The following IQCJ variants were observed in gnomAD, a reference collection of about 807,000 sequenced individuals.
The protein encoded by IQCJ is IQ domain-containing protein J.
A neutral mutation model predicts 11.0 loss-of-function variants in IQCJ; 9 were observed. The ratio of observed to expected loss-of-function variants is 0.82; its 90% CI spans 0.49 to 1.43. IQCJ has a LOEUF of 1.43. IQCJ is among the 40% of genes most tolerant of loss of function. The pLI, the probability that IQCJ is intolerant of heterozygous loss-of-function variation, is 0.00. For missense variants in IQCJ, 146 were observed against 133.2 expected (o/e 1.10, Z -0.47); for synonymous variants, 55 against 51.3 (o/e 1.07, Z -0.31).
chr3:159,162,006 C>A (rs543788201), intron 1 of IQCJ, among the ~76,000 whole-genome samples: 1 of 152,080 alleles, frequency 6.6e-6, no homozygotes, highest in Non-Finnish European at 1.5e-5. Flanking sequence ...ATTGACTTGG[C>A]GACACGGGCT....
intron 1 of IQCJ, among the ~76,000 whole-genome samples, chr3:159,171,719 C>G (rs750233021): frequency 6.6e-6 from 1 of 152,158 alleles, no homozygotes. Flanking sequence ...TTCTTAAGTA[C>G]AGTTAAAGTT....
intron 1 of IQCJ, among the ~76,000 whole-genome samples, chr3:159,117,676 G>T (rs1719110788): frequency 6.6e-6 from 1 of 152,138 alleles, no homozygotes. Flanking sequence ...CCACTCAACG[G>T]TTCATTCACT....
chr3:159,124,347 C>G (rs568005540), intron 1 of IQCJ, among the ~76,000 whole-genome samples: 1 of 152,208 alleles, frequency 6.6e-6, no homozygotes, highest in Admixed American at 6.5e-5. Flanking sequence ...AATCAGGTCA[C>G]TCCTTGCTTG....
At chr3:159,089,350 A>G (rs1202135309) in intron 1 of IQCJ, among the ~76,000 whole-genome samples, 3 of 152,034 alleles carry the variant, frequency 2.0e-5, no homozygotes, top group African/African-American at 7.2e-5. Context: ...GCTGCCCTTA[A>G]CATTTTTTCC....
At chr3:159,129,682 C>A (rs370485359) in intron 1 of IQCJ, among the ~76,000 whole-genome samples, 2 of 152,218 alleles carry the variant, frequency 1.3e-5, no homozygotes, top group African/African-American at 4.8e-5. Flanking sequence ...TAATAAAGAG[C>A]AGTTTTAGCA....
At chr3:159,265,239 A>G (rs1006988728), downstream of IQCJ, 2 of 1,613,722 alleles carry the variant, frequency 1.2e-6, no homozygotes, top group Non-Finnish European at 1.7e-6. Flanking sequence ...TGTTGGGAAG[A>G]TTCATCCTTA....
In IQCJ at chr3:159,263,410, G is replaced by C; in HGVS notation, c.*679G>C. On this transcript the variant is annotated 3_prime_UTR_variant, in exon 4 of 4. Transcript: ENST00000397832. ...ACCAGTTTAAGAAATCTGAGATAGA[G>C]AGTTAAGGAATAAGGGAATCTGCTG... 1.0e-6 allele frequency: 1 copy of C among 979,266 alleles called. No homozygotes were observed. Among genetic ancestry groups the C allele is most frequent in the Non-Finnish European group, 1.2e-6 (1 of 824,374 alleles). 60.7% of individuals were successfully genotyped at this position (979,266 alleles called of 1,614,324 possible).
intron 1 of IQCJ, among the ~76,000 whole-genome samples, chr3:159,139,667 C>T (rs1160952941): frequency 6.6e-6 from 1 of 152,144 alleles, no homozygotes; most frequent in African/African-American, 2.4e-5. Context: ...GCTAAGGATC[C>T]CAGGAGCAGT....
chr3:159,094,728 T>G (rs1438350634), intron 1 of IQCJ, among the ~76,000 whole-genome samples: 10 of 151,826 alleles, frequency 6.6e-5, no homozygotes, highest in Non-Finnish European at 1.2e-4. Context: ...GTGTGATCTC[T>G]ATCAGGTCTT....
At chr3:159,147,212 G>A (rs761893761) in intron 1 of IQCJ, among the ~76,000 whole-genome samples, 7 of 152,194 alleles carry the variant, frequency 4.6e-5, no homozygotes, top group Non-Finnish European at 7.3e-5. Context: ...ATAGACAGAA[G>A]CATTTGTTTA....
chr3:159,251,934 A>G (rs1727624564), intron 2 of IQCJ, among the ~76,000 whole-genome samples: 1 of 152,206 alleles, frequency 6.6e-6, no homozygotes, highest in Admixed American at 6.5e-5. Flanking sequence ...ACAGTGTGTT[A>G]TACACATTAT....
At chr3:159,085,945 G>T (rs1202461429) in intron 1 of IQCJ, among the ~76,000 whole-genome samples, 40 of 152,000 alleles carry the variant, frequency 2.6e-4, no homozygotes, top group African/African-American at 8.7e-4. Context: ...GTCAATTTTG[G>T]CTTTTGTTGC....
chr3:159,238,345 G>A (rs1309883010), intron 1 of IQCJ, among the ~76,000 whole-genome samples: 3 of 152,164 alleles, frequency 2.0e-5, no homozygotes, highest in East Asian at 3.8e-4. Context: ...CCAAAATTAT[G>A]AGCCTCTCAG....
At chr3:159,176,263 T>A (rs113106646) in intron 1 of IQCJ, among the ~76,000 whole-genome samples, 2 of 152,048 alleles carry the variant, frequency 1.3e-5, no homozygotes, top group Non-Finnish European at 2.9e-5. Flanking sequence ...AGTACCTTTT[T>A]AAAAAGCTAA....
In IQCJ at chr3:159,232,640, A is replaced by T. The variant is rs530664648; in HGVS notation, c.10-13203A>T. ...ATTTGCTGAGGAGGGTTTTACTTCC[A>T]ATTATGTGGTCAATTTTAGAGTAAG... On this transcript the variant is annotated intron_variant, in intron 1 of 3. Coordinates refer to ENST00000397832, the MANE Select transcript of IQCJ (RefSeq NM_001042706.3). 2.6e-5 allele frequency among the ~76,000 whole-genome samples: 4 copies of T among 152,026 alleles called. No individual in the cohort carries two copies. In the East Asian group the frequency reaches 7.8e-4, roughly 29 times the overall value.
intron 1 of IQCJ, among the ~76,000 whole-genome samples, chr3:159,086,237 C>G (rs1028028989): frequency 6.6e-6 from 1 of 152,014 alleles, no homozygotes; most frequent in South Asian, 2.1e-4. Flanking sequence ...AGATATGTGT[C>G]GTTATTTCTG....
intron 1 of IQCJ, among the ~76,000 whole-genome samples, chr3:159,160,279 C>T (rs1253007929): frequency 6.6e-6 from 1 of 152,090 alleles, no homozygotes; most frequent in East Asian, 1.9e-4. Context: ...TGAGCACTTA[C>T]CACATATCCA....
chr3:159,101,353 A>G (rs1377319518), intron 1 of IQCJ, among the ~76,000 whole-genome samples: 2 of 152,078 alleles, frequency 1.3e-5, no homozygotes, highest in Non-Finnish European at 2.9e-5. Flanking sequence ...TGGGAGCTGT[A>G]GACCGGAGCT....
chr3:159,132,785 T>C (rs1720065451), intron 1 of IQCJ, among the ~76,000 whole-genome samples: 2 of 152,292 alleles, frequency 1.3e-5, no homozygotes, highest in Middle Eastern at 3.4e-3. Context: ...CTCAGAACCT[T>C]GAGTAGAGAA....
Sources: gnomAD v4.1 joint callset for allele counts (sites outside exome capture counted in the v4.1 genomes callset) on GRCh38, gnomAD v4.1.1 for gene constraint, MANE v1.5 for transcripts, NCBI Gene and HGNC (gene_info 2026-07-23, HGNC 2026-07-21) for gene names.